Variants in GNA15 observed in about 807,000 individuals in gnomAD.
The protein encoded by GNA15 is G protein subunit alpha 15, also known as guanine nucleotide-binding protein subunit alpha-15.
Under a neutral mutation model 40.1 loss-of-function variants are expected in GNA15, and 23 were observed. The ratio of observed to expected loss-of-function variants is 0.57; its 90% CI spans 0.41 to 0.81. The LOEUF (loss-of-function observed/expected upper bound fraction) is 0.81. Ranked by LOEUF, GNA15 falls within the 40% of genes least tolerant of loss-of-function variation. The pLI is 0.00. For synonymous variants in GNA15, 226 were observed against 210.4 expected, an observed-to-expected ratio of 1.07 and a Z score of -0.64; for missense variants, 522 against 515.8, an observed-to-expected ratio of 1.01 and a Z score of -0.12.
chr19:3,156,596 C>T (rs1410551887), intron 5 of GNA15, among the ~76,000 whole-genome samples: 2 of 151,700 alleles, frequency 1.3e-5, no homozygotes. Flanking sequence ...GGGTTCACAC[C>T]ATTCTCCTGC....
At position 3,151,824 on chromosome 19, in the gene GNA15, A is replaced by T. The variant is rs369602953; in HGVS notation, c.603A>T (p.Lys201Asn). Residue 201 changes from lysine to asparagine, a missense_variant, in exon 4 of 7, where the codon AAA becomes AAT. Coordinates refer to ENST00000262958, the MANE Select transcript of GNA15 (RefSeq NM_002068.4). The surrounding 1 kb of genome is among the most constrained non-coding windows in gnomAD (Gnocchi z 5.0). ...GINEYCFSVQ[K>N]TNLRIVDVGG... Reference sequence around the variant, plus strand: ...ACGAGTACTGCTTCTCCGTGCAGAAAACCAACCTGCGGTGAGCGCTCCACC... The same window carrying T: ...ACGAGTACTGCTTCTCCGTGCAGAATACCAACCTGCGGTGAGCGCTCCACC... 6.2e-7 allele frequency: 1 copy of T among 1,610,800 alleles called. No homozygotes were observed. Among genetic ancestry groups the T allele is most frequent in the Non-Finnish European group, 8.5e-7 (1 of 1,178,722 alleles).
intron 5 of GNA15, among the ~76,000 whole-genome samples, chr19:3,156,416 CATGA>C: frequency 8.2e-6 from 1 of 122,646 alleles, no homozygotes; most frequent in African/African-American, 3.5e-5. Flanking sequence ...TGCGCACACA[CATGA>C]ACACACACAT....
chr19:3,162,517 C>T (rs1395220329), intron 6 of GNA15, among the ~76,000 whole-genome samples: 1 of 152,224 alleles, frequency 6.6e-6, no homozygotes, highest in African/African-American at 2.4e-5. Context: ...AAGAGAGTGT[C>T]TCTCTTTAAC....
In GNA15 at chr19:3,155,580, G is replaced by A. The variant is rs576712750; in HGVS notation, c.615-243G>A. ...CTAATATGGGGGTAGAAAGCAGGCA[G>A]CCCAGCACAGTAGAAGCTTGGGAAA... On this transcript the variant is annotated intron_variant, in intron 4 of 6. Coordinates refer to ENST00000262958, the MANE Select transcript of GNA15 (RefSeq NM_002068.4). This position sits in a 1 kb window ranked among gnomAD's most constrained non-coding sequence, Gnocchi z 5.6. Among the ~76,000 whole-genome samples, 3 of 152,310 alleles carry A rather than the reference G, an allele frequency of 2.0e-5. No homozygotes were observed. In the East Asian group the frequency reaches 5.8e-4, roughly 29 times the overall value.
intron 4 of GNA15, among the ~76,000 whole-genome samples, chr19:3,153,059 C>A (rs1914917384): frequency 6.6e-6 from 1 of 151,940 alleles, no homozygotes; most frequent in Admixed American, 6.6e-5. Context: ...TCGCTCTTCA[C>A]AATAAATCTT....
At chr19:3,137,835 G>C (rs8104936) in intron 1 of GNA15, among the ~76,000 whole-genome samples, 42,777 of 151,320 alleles carry the variant, frequency 0.28, 6,171 homozygotes, top group Non-Finnish European at 0.32. Flanking sequence ...GTGGCACACA[G>C]CTATAATCCC....
At position 3,155,760 on chromosome 19, in the gene GNA15, G is replaced by T; in HGVS notation, c.615-63G>T. The T allele has an allele frequency of 2.5e-6, 4 of 1,576,004 alleles. No individual in the cohort carries two copies. The highest frequency in any genetic ancestry group is 3.4e-6 in the Non-Finnish European group (4 of 1,162,052). On this transcript the variant is annotated intron_variant, in intron 4 of 6. Transcript: ENST00000262958. This position sits in a 1 kb window ranked among gnomAD's most constrained non-coding sequence, Gnocchi z 5.6. ...TCTTGGCATATCCCAGACGTGATGG[G>T]GGTTGGGGGTGTCACGGAGCAGGCT... is the stretch of plus-strand genomic sequence containing the variant.
At chr19:3,146,974 G>C (rs778761678) in intron 1 of GNA15, among the ~76,000 whole-genome samples, 48 of 151,152 alleles carry the variant, frequency 3.2e-4, no homozygotes, top group Non-Finnish European at 1.0e-4. Flanking sequence ...CAATATGCCA[G>C]GTGCGGCCCT....
chr19:3,145,359 A>ATATATATATATATATATATATATATATT, intron 1 of GNA15, among the ~76,000 whole-genome samples: 2 of 46,966 alleles, frequency 4.3e-5, no homozygotes, highest in Non-Finnish European at 7.8e-5. Flanking sequence ...ATATATATAT[A>ATATATATATATATATATATATATATATT]TTTTTTTTTT....
chr19:3,154,988 C>T (rs1914978655), intron 4 of GNA15: 2 of 152,164 alleles, frequency 1.3e-5, no homozygotes, highest in African/African-American at 4.8e-5. Flanking sequence ...CCGTCTCAGT[C>T]TCCAGAGCCC....
intron 4 of GNA15, among the ~76,000 whole-genome samples, chr19:3,154,416 C>G (rs310675): frequency 0.66 from 83,018 of 126,044 alleles, 27,246 homozygotes; most frequent in African/African-American, 0.73. Context: ...TGGATGGGTA[C>G]ATGGGTGGAT....
intron 1 of GNA15, among the ~76,000 whole-genome samples, chr19:3,141,105 G>A (rs1343113120): frequency 6.6e-6 from 1 of 152,098 alleles, no homozygotes; most frequent in Non-Finnish European, 1.5e-5. Flanking sequence ...ACCAGGGTGG[G>A]GGTGGGTCTG....
Position 3,155,195 on chromosome 19 carries a change from G to A in GNA15, c.615-628G>A, listed in dbSNP as rs145833717. The A allele has an allele frequency of 1.8e-3, 277 of 152,562 alleles. 3 individuals are homozygous for A. The highest frequency in any genetic ancestry group is 2.8e-3 in the Non-Finnish European group (188 of 68,226). 9.5% of individuals were successfully genotyped at this position (152,562 alleles called of 1,614,324 possible). ...TTGCTTGAGGCCCTGGGCCGGGCCC[G>A]TCCAAAGCCTCTGTTCTGGGACTTC... is the stretch of plus-strand genomic sequence containing the variant. On this transcript the variant is annotated intron_variant, in intron 4 of 6. Coordinates refer to ENST00000262958, the MANE Select transcript of GNA15 (RefSeq NM_002068.4). The surrounding 1 kb of genome is among the most constrained non-coding windows in gnomAD (Gnocchi z 5.6).
In GNA15 at chr19:3,136,570, C is replaced by T. The variant is rs763019719; in HGVS notation, c.120C>T (p.Arg40=). The T allele has an allele frequency of 1.4e-5, 22 of 1,557,750 alleles. No homozygotes were observed. The highest frequency in any genetic ancestry group is 2.4e-5 in the East Asian group (1 of 41,688). ...RILLEQKKQD[R]GELKLLLLGP... ...TCTTGGAGCAGAAGAAGCAGGACCG[C>T]GGGGAGCTGAAGCTGCTGCTTTTGG... The change falls in exon 1 of 7, where the codon CGC becomes CGT. Residue 40 remains arginine (R), a synonymous_variant. Coordinates refer to ENST00000262958, the MANE Select transcript of GNA15 (RefSeq NM_002068.4). The surrounding 1 kb of genome is among the most constrained non-coding windows in gnomAD (Gnocchi z 4.9).
At chr19:3,153,711 A>AATGG (rs1914934938) in intron 4 of GNA15, among the ~76,000 whole-genome samples, 2 of 134,864 alleles carry the variant, frequency 1.5e-5, no homozygotes, top group African/African-American at 5.8e-5. Flanking sequence ...GGGATGGATG[A>AATGG]ATGGATGGAT....
chr19:3,157,393 T>C (rs894209456), intron 5 of GNA15, among the ~76,000 whole-genome samples: 3 of 152,064 alleles, frequency 2.0e-5, no homozygotes, highest in Non-Finnish European at 2.9e-5. Context: ...AAAGACCCTA[T>C]CTCCAGGCCA....
At chr19:3,149,848 C>A (rs1169676411) in intron 2 of GNA15, 3 of 351,988 alleles carry the variant, frequency 8.5e-6, no homozygotes, top group Non-Finnish European at 1.6e-5. Flanking sequence ...GTGTAAAGAG[C>A]GGGGCTGGGT....
rs549456484 is a variant in GNA15 at position 3,155,368 on chromosome 19, C to T, written c.615-455C>T. On this transcript the variant is annotated intron_variant, in intron 4 of 6. Coordinates refer to ENST00000262958, the MANE Select transcript of GNA15 (RefSeq NM_002068.4). The surrounding 1 kb of genome is among the most constrained non-coding windows in gnomAD (Gnocchi z 5.6). The stretch of plus-strand genomic sequence containing the variant: ...GCTGAGTCACAGATGGAGGGGAGGA[C>T]GTGTGCTCTGGGAACAGCCCTCATT... Among the ~76,000 whole-genome samples, 4 of 152,090 alleles carry T rather than the reference C, an allele frequency of 2.6e-5. No individual in the cohort carries two copies. The highest frequency in any genetic ancestry group is 5.9e-5 in the Non-Finnish European group (4 of 68,002).
intron 2 of GNA15, 135 bp from the exon 3 acceptor site, chr19:3,149,996 G>C: frequency 1.4e-6 from 1 of 696,186 alleles, no homozygotes; most frequent in South Asian, 1.8e-5. Context: ...GGGGGGGTCG[G>C]GAGCTCTGGG....
Sources: gnomAD v4.1 joint callset for allele counts (sites outside exome capture counted in the v4.1 genomes callset) on GRCh38, gnomAD v4.1.1 for gene constraint, Gnocchi (gnomAD v3.1) non-coding constraint, MANE v1.5 for transcripts, NCBI Gene and HGNC (gene_info 2026-07-23, HGNC 2026-07-21) for gene names.